The following CDKN3 variants were observed in gnomAD, a reference collection of about 807,000 sequenced individuals.
CDKN3 encodes the protein cyclin dependent kinase inhibitor 3, also known as cyclin-dependent kinase inhibitor 3.
A neutral mutation model predicts 36.1 loss-of-function variants in CDKN3; 19 were observed. The observed-to-expected ratio is 0.53, with a 90% confidence interval of 0.37 to 0.77. The LOEUF is 0.77. Ranked by LOEUF, CDKN3 falls within the 30% of genes least tolerant of loss-of-function variation. CDKN3 has a pLI of 0.00. For missense variants in CDKN3, 188 were observed against 248.6 expected (o/e 0.76, Z 1.64); for synonymous variants, 71 against 85.3 (o/e 0.83, Z 0.92).
chr14:54,417,061 C>G (rs2030576891), intron 6 of CDKN3, among the ~76,000 whole-genome samples: 1 of 152,052 alleles, frequency 6.6e-6, no homozygotes, highest in Non-Finnish European at 1.5e-5. Flanking sequence ...AAATTCGAAC[C>G]CTCATACACT....
chr14:54,398,335 A>T (rs1886379265), intron 1 of CDKN3, among the ~76,000 whole-genome samples: 1 of 152,318 alleles, frequency 6.6e-6, no homozygotes, highest in South Asian at 2.1e-4. Flanking sequence ...CCATTGAGTT[A>T]TCTGATCCCC....
At chr14:54,398,987 C>CTTTTTTTTTTTTTTT (rs113342693) in intron 1 of CDKN3, among the ~76,000 whole-genome samples, 3 of 109,276 alleles carry the variant, frequency 2.7e-5, no homozygotes, top group Admixed American at 1.2e-4. Flanking sequence ...TTTCTTCTTC[C>CTTTTTTTTTTTTTTT]TTTTTTTTTT....
chr14:54,418,263 C>G, intron 7 of CDKN3: 1 of 702,292 alleles, frequency 1.4e-6, no homozygotes, highest in Non-Finnish European at 2.6e-6. Context: ...GGAATGGATC[C>G]TCTCACCTAG....
chr14:54,399,740 A>T, intron 1 of CDKN3, 154 bp from the exon 2 acceptor site: 1 of 626,188 alleles, frequency 1.6e-6, no homozygotes, highest in South Asian at 1.9e-5. Context: ...AATAGCAGTC[A>T]TTTATTATTA....
chr14:54,403,863 A>C (rs934874585), intron 3 of CDKN3, among the ~76,000 whole-genome samples: 12 of 152,218 alleles, frequency 7.9e-5, no homozygotes, highest in African/African-American at 2.9e-4. Flanking sequence ...ATGTTGAACC[A>C]ACCTTGCGTC....
At chr14:54,412,854 T>C (rs1388088436) in intron 5 of CDKN3, 1 of 516,576 alleles carries the variant, frequency 1.9e-6, no homozygotes, top group Non-Finnish European at 3.9e-6. Flanking sequence ...GGGTATTAAA[T>C]AGTTTACGAC....
intron 2 of CDKN3, among the ~76,000 whole-genome samples, chr14:54,400,764 G>A (rs1026535601): frequency 6.6e-6 from 1 of 152,166 alleles, no homozygotes; most frequent in Non-Finnish European, 1.5e-5. Context: ...TTCAAAGTCA[G>A]GTGGTATTTA....
chr14:54,418,629 T>C (rs2030627461), intron 7 of CDKN3, among the ~76,000 whole-genome samples: 1 of 152,208 alleles, frequency 6.6e-6, no homozygotes, highest in African/African-American at 2.4e-5. Flanking sequence ...AATCCGCTCA[T>C]CAGAGGAGTG....
chr14:54,403,240 T>G (rs1281236024), intron 3 of CDKN3, among the ~76,000 whole-genome samples: 1 of 152,218 alleles, frequency 6.6e-6, no homozygotes, highest in Non-Finnish European at 1.5e-5. Flanking sequence ...CAGTGGTTTG[T>G]AGTTCTCCTT....
chr14:54,400,494 A>G (rs775661712), intron 2 of CDKN3, among the ~76,000 whole-genome samples: 3 of 152,232 alleles, frequency 2.0e-5, no homozygotes, highest in Non-Finnish European at 4.4e-5. Context: ...AGCCACATCA[A>G]TGCAATAACA....
In CDKN3 at chr14:54,408,802, T is replaced by C; in HGVS notation, c.193+13T>C. 1 of 1,564,054 alleles carries C rather than the reference T, an allele frequency of 6.4e-7. No individual in the cohort carries two copies. Among genetic ancestry groups the C allele is most frequent in the Non-Finnish European group, 8.6e-7 (1 of 1,161,508 alleles). On this transcript the variant is annotated intron_variant, in intron 4 of 7. Transcript: ENST00000335183. ...CAAAAAGATACAGGTAGGTATAATA[T>C]CACGCAACCACACTCATGGGTTTTT...
chr14:54,408,635 A>G, intron 3 of CDKN3, 110 bp from the exon 4 acceptor site: 1 of 1,138,594 alleles, frequency 8.8e-7, no homozygotes, highest in Non-Finnish European at 1.2e-6. Context: ...ATTGAAACAT[A>G]TAAATGATTA....
chr14:54,401,648 C>G (rs1325699457), intron 3 of CDKN3, 69 bp downstream of exon 3: 1 of 1,104,172 alleles, frequency 9.1e-7, no homozygotes, highest in Non-Finnish European at 1.3e-6. Context: ...ATTGCAGTAG[C>G]TTTTGGGGGG....
intron 2 of CDKN3, among the ~76,000 whole-genome samples, chr14:54,400,269 A>G (rs1197565783): frequency 8.4e-6 from 1 of 119,372 alleles, no homozygotes; most frequent in Non-Finnish European, 1.7e-5. Flanking sequence ...TGGCCCTTCT[A>G]CTAACTTAGT....
chr14:54,419,947 A>G (rs1194946313), intron 7 of CDKN3, 45 bp from the exon 8 acceptor site: 1 of 1,094,362 alleles, frequency 9.1e-7, no homozygotes, highest in Non-Finnish European at 1.4e-6. Context: ...CACACTGATA[A>G]CTAGTTTTCT....
At chr14:54,401,480 T>G in intron 2 of CDKN3, 44 bp from the exon 3 acceptor site, 1 of 1,397,050 alleles carries the variant, frequency 7.2e-7, no homozygotes, top group South Asian at 1.2e-5. Context: ...ATTTATAACT[T>G]TTTAAAAACT....
intron 3 of CDKN3, among the ~76,000 whole-genome samples, chr14:54,401,804 G>A (rs146641184): frequency 2.0e-5 from 3 of 151,954 alleles, no homozygotes; most frequent in South Asian, 2.1e-4. Context: ...ACCAGCCCCC[G>A]AAGTCCAATG....
Position 54,411,476 on chromosome 14 carries a change from A to G in CDKN3, c.194-8A>G, listed in dbSNP as rs201779807. On this transcript the variant is annotated splice_region_variant and splice_polypyrimidine_tract_variant and intron_variant, in intron 4 of 7. Coordinates refer to ENST00000335183, the MANE Select transcript of CDKN3 (RefSeq NM_005192.4). ...TGTGTGTGTCTGTGTATCCTGGTCT[A>G]TTGGCAGAAGAACTAAAGAGCTGTG... 20 of 1,607,312 alleles carry G rather than the reference A, an allele frequency of 1.2e-5. No individual in the cohort carries two copies. Among genetic ancestry groups the G allele is most frequent in the Middle Eastern group, 1.6e-4 (1 of 6,078 alleles).
intron 5 of CDKN3, among the ~76,000 whole-genome samples, chr14:54,415,524 T>C (rs571472176): frequency 5.9e-5 from 9 of 152,358 alleles, no homozygotes; most frequent in African/African-American, 2.2e-4. Flanking sequence ...ATGGTTATTA[T>C]CTACATGGCA....
Sources: allele counts gnomAD v4.1 joint callset (sites outside exome capture counted in the v4.1 genomes callset), GRCh38; gene constraint gnomAD v4.1.1; transcripts MANE v1.5; gene names NCBI Gene and HGNC (gene_info 2026-07-23, HGNC 2026-07-21).